The following RBFOX3 variants were observed in gnomAD, a reference collection of about 807,000 sequenced individuals.
RBFOX3 encodes the protein RNA binding protein fox-1 homolog 3.
RBFOX3 carries 17 observed loss-of-function variants against 48.7 expected under a neutral mutation model. The observed-to-expected ratio is 0.35, with a 90% CI of 0.24 to 0.52. The LOEUF (loss-of-function observed/expected upper bound fraction) is 0.52. RBFOX3 is among the 20% of genes least tolerant of loss of function. The pLI is 0.94. For missense variants in RBFOX3, 382 were observed against 497.5 expected (o/e 0.77, Z 2.21); for synonymous variants, 212 against 209.5 (o/e 1.01, Z -0.10).
chr17:79,156,924 T>C (rs1297683984), intron 4 of RBFOX3, among the ~76,000 whole-genome samples: 1 of 152,176 alleles, frequency 6.6e-6, no homozygotes, highest in Non-Finnish European at 1.5e-5. Context: ...CTGGCTGTGT[T>C]TGCCCCGCTG....
intron 2 of RBFOX3, among the ~76,000 whole-genome samples, chr17:79,467,711 C>T (rs2076503798): frequency 6.6e-6 from 1 of 152,176 alleles, no homozygotes; most frequent in Non-Finnish European, 1.5e-5. Flanking sequence ...GTGTGCCCCA[C>T]CTGCCTCCTG....
chr17:79,396,060 CCT>C (rs2061961315), intron 2 of RBFOX3, among the ~76,000 whole-genome samples: 2 of 152,206 alleles, frequency 1.3e-5, no homozygotes, highest in Admixed American at 6.5e-5. Context: ...TGTCTGAGCC[CCT>C]GAGTCCTTCC....
chr17:79,365,335 A>G (rs560844452), intron 2 of RBFOX3, among the ~76,000 whole-genome samples: 107 of 152,370 alleles, frequency 7.0e-4, no homozygotes, highest in Non-Finnish European at 1.3e-3. Flanking sequence ...GATGTTAAGT[A>G]ATACAACAAA....
chr17:79,162,176 C>T lies in RBFOX3; in HGVS notation c.-33-46428G>A, dbSNP rs149948481. ...CCCAGCTTTACCTTGCAGAGCCAGA[C>T]ATAATGGGGCATTAGAAGGGAATTG... On this transcript the variant is annotated intron_variant, in intron 4 of 14. Coordinates refer to ENST00000693108, the MANE Select transcript of RBFOX3 (RefSeq NM_001350451.2). Among the ~76,000 whole-genome samples the T allele has an allele frequency of 2.1e-4, 32 of 152,372 alleles. No individual in the cohort carries two copies. The East Asian group carries it at 6.0e-3, about 28-fold the overall frequency.
rs1018951609 is a variant in RBFOX3, at chr17:79,313,189, G to A, written c.-174-5365C>T. ...TTAATAGCTGCCCCCCTTGCTTCTG[G>A]CACCTTCCAGGCTCTTGCATACCCC... On this transcript the variant is annotated intron_variant, in intron 2 of 14. Coordinates refer to ENST00000693108, the MANE Select transcript of RBFOX3 (RefSeq NM_001350451.2). Among the ~76,000 whole-genome samples the A allele has an allele frequency of 2.0e-5, 3 of 152,184 alleles. 1 individual carries two copies. The highest frequency in any genetic ancestry group is 7.2e-5 in the African/African-American group (3 of 41,498).
chr17:79,596,751 T>C (rs2093580638), intron 1 of RBFOX3, among the ~76,000 whole-genome samples: 1 of 152,130 alleles, frequency 6.6e-6, no homozygotes, highest in Non-Finnish European at 1.5e-5. Flanking sequence ...GATTTTTTGC[T>C]TTTCCTTCTC....
intron 1 of RBFOX3, among the ~76,000 whole-genome samples, chr17:79,595,667 C>T (rs1187698572): frequency 6.6e-6 from 1 of 152,172 alleles, no homozygotes; most frequent in Non-Finnish European, 1.5e-5. Context: ...GGAGGACGGA[C>T]CTGGCATCTC....
intron 2 of RBFOX3, among the ~76,000 whole-genome samples, chr17:79,442,700 G>T (rs1258294633): frequency 1.3e-5 from 2 of 152,034 alleles, no homozygotes; most frequent in Admixed American, 1.3e-4. Flanking sequence ...TGCTTCCCTG[G>T]GGCTGCCGTA....
At chr17:79,389,829 G>C (rs1049511495) in intron 2 of RBFOX3, among the ~76,000 whole-genome samples, 2 of 152,240 alleles carry the variant, frequency 1.3e-5, no homozygotes, top group Non-Finnish European at 2.9e-5. Flanking sequence ...AATGAGAGGA[G>C]ACTGAGGGGG....
Position 79,090,812 on chromosome 17 carries a change from T to TTTTG in RBFOX3, c.*67_*70dup. The TTTTG allele has an allele frequency of 6.1e-6, 9 of 1,481,824 alleles. No homozygotes were observed. Among genetic ancestry groups the TTTTG allele is most frequent in the Non-Finnish European group, 7.2e-6 (8 of 1,109,360 alleles). 91.8% of individuals were successfully genotyped at this position (1,481,824 alleles called of 1,614,324 possible). A position where few individuals can be genotyped will look rare whatever the true frequency, so the allele number is the denominator to read the frequency against. On this transcript the variant is annotated 3_prime_UTR_variant, in exon 15 of 15. Transcript: ENST00000693108. ...GGATCTTAACATCTTTTTTTGTTTTTTTTGTTTTGTGATTTTTTTTGTTTT... is the reference window on the plus strand; with the variant it reads ...GGATCTTAACATCTTTTTTTGTTTTTTTTGTTTGTTTTGTGATTTTTTTTGTTTT...
At chr17:79,402,508 A>C (rs2062937467) in intron 2 of RBFOX3, among the ~76,000 whole-genome samples, 1 of 152,176 alleles carries the variant, frequency 6.6e-6, no homozygotes, top group African/African-American at 2.4e-5. Context: ...TCCCCTGAGA[A>C]GCTGTAGGGC....
chr17:79,663,175 G>T, the RBFOX3 span, among the ~76,000 whole-genome samples: 1 of 152,214 alleles, frequency 6.6e-6, no homozygotes, highest in African/African-American at 2.4e-5. Context: ...GGGAGATGGT[G>T]AAAGATTATG....
intron 1 of RBFOX3, among the ~76,000 whole-genome samples, chr17:79,518,582 T>C (rs2085595439): frequency 6.6e-6 from 1 of 152,234 alleles, no homozygotes; most frequent in African/African-American, 2.4e-5. Context: ...CCTGGACGGC[T>C]GTGGGGAAGC....
intron 4 of RBFOX3, among the ~76,000 whole-genome samples, chr17:79,149,392 C>T (rs1298447799): frequency 2.0e-5 from 3 of 152,168 alleles, no homozygotes; most frequent in Non-Finnish European, 4.4e-5. Context: ...GGCCCAGCCC[C>T]GGCCCCTCCT....
intron 2 of RBFOX3, among the ~76,000 whole-genome samples, chr17:79,377,430 T>TA (rs1175242238): frequency 6.6e-6 from 1 of 152,126 alleles, no homozygotes; most frequent in African/African-American, 2.4e-5. Flanking sequence ...CACCCACCTG[T>TA]AAACAGAAAC....
chr17:79,380,070 G>A (rs2059703493), intron 2 of RBFOX3, among the ~76,000 whole-genome samples: 2 of 151,568 alleles, frequency 1.3e-5, no homozygotes, highest in Admixed American at 6.6e-5. Flanking sequence ...CAGCCCCACT[G>A]CAGCCCCTTC....
chr17:79,282,035 G>C (rs1341429660), intron 3 of RBFOX3, among the ~76,000 whole-genome samples: 2 of 152,228 alleles, frequency 1.3e-5, no homozygotes, highest in Non-Finnish European at 2.9e-5. Flanking sequence ...GGGATGGGAG[G>C]AGACTGACAT....
chr17:79,645,005 T>C, the RBFOX3 span, among the ~76,000 whole-genome samples: 1 of 152,188 alleles, frequency 6.6e-6, no homozygotes, highest in Admixed American at 6.5e-5. Context: ...TCACCTCCTC[T>C]CTTCCTTTCA....
At chr17:79,632,106 C>A in the RBFOX3 span, among the ~76,000 whole-genome samples, 1 of 152,228 alleles carries the variant, frequency 6.6e-6, no homozygotes, top group African/African-American at 2.4e-5. Context: ...GAGAATGCAA[C>A]ATTTCAGCAA....
Sources: allele counts gnomAD v4.1 joint callset (sites outside exome capture counted in the v4.1 genomes callset), GRCh38; gene constraint gnomAD v4.1.1; transcripts MANE v1.5; gene names NCBI Gene and HGNC (gene_info 2026-07-23, HGNC 2026-07-21).